The following FILIP1 variants were observed in gnomAD, a reference collection of about 807,000 sequenced individuals.
FILIP1 encodes filamin-A-interacting protein 1.
FILIP1 carries 61 observed loss-of-function variants against 102.1 expected under a neutral mutation model. The observed-to-expected ratio is 0.60, with a 90% CI of 0.49 to 0.74. The LOEUF is 0.74. FILIP1 is among the 30% of genes least tolerant of loss of function. The pLI is 0.00. For missense variants in FILIP1, 1,314 were observed against 1,441.2 expected (o/e 0.91, Z 1.43); for synonymous variants, 491 against 526.9 (o/e 0.93, Z 0.93).
intron 1 of FILIP1, among the ~76,000 whole-genome samples, chr6:75,442,669 A>G (rs1295039066): frequency 1.3e-5 from 2 of 151,910 alleles, no homozygotes; most frequent in Non-Finnish European, 2.9e-5. Context: ...CAGGAGAATC[A>G]GGCAGGGAGG....
At chr6:75,439,353 C>T (rs372328268) in intron 1 of FILIP1, among the ~76,000 whole-genome samples, 1 of 136,954 alleles carries the variant, frequency 7.3e-6, no homozygotes, top group African/African-American at 2.9e-5. Flanking sequence ...GCGACAAGAG[C>T]GAGACTCCGT....
intron 1 of FILIP1, among the ~76,000 whole-genome samples, chr6:75,491,779 T>C (rs1696920744): frequency 6.6e-6 from 1 of 152,144 alleles, no homozygotes; most frequent in African/African-American, 2.4e-5. Flanking sequence ...CAAGAATAAA[T>C]GTACAACAAT....
In FILIP1 at chr6:75,433,316, C is replaced by T. The variant is rs142118719; in HGVS notation, c.-6-18338G>A. ...CAACAGTGTAAAAGTGTTCCTATTT[C>T]TCCACATCCTTTCCAGCAACTGTTG... On this transcript the variant is annotated intron_variant, in intron 1 of 5. Transcript: ENST00000237172. Among the ~76,000 whole-genome samples the T allele has an allele frequency of 8.1e-3, 1,230 of 152,292 alleles. 19 individuals are homozygous for T. Among genetic ancestry groups the T allele is most frequent in the African/African-American group, 0.028 (1,152 of 41,558 alleles).
rs117987344 is a variant in FILIP1 at position 75,463,352 on chromosome 6, T to C, written c.-7+30062A>G. Among the ~76,000 whole-genome samples, 144 of 152,374 alleles carry C rather than the reference T, an allele frequency of 9.5e-4. 1 individual carries two copies. Among genetic ancestry groups the C allele is most frequent in the Non-Finnish European group, 1.2e-3 (81 of 68,044 alleles). The stretch of plus-strand genomic sequence containing the variant: ...CAAGCCATTGAATTATCTTGTTCTA[T>C]TATAACCTAATTGATTACCGTGTTT... On this transcript the variant is annotated intron_variant, in intron 1 of 5. Transcript: ENST00000237172.
At chr6:75,310,599 C>G (rs1208750330) in intron 5 of FILIP1, among the ~76,000 whole-genome samples, 1 of 152,142 alleles carries the variant, frequency 6.6e-6, no homozygotes, top group Admixed American at 6.5e-5. Context: ...AATCAGTAGT[C>G]AAAAATGTCA....
chr6:75,471,824 A>G (rs746225080), intron 1 of FILIP1, among the ~76,000 whole-genome samples: 1 of 152,184 alleles, frequency 6.6e-6, no homozygotes, highest in Non-Finnish European at 1.5e-5. Context: ...TATATCATTT[A>G]TGCTAAAATA....
chr6:75,487,941 A>T (rs1045653629), intron 1 of FILIP1, among the ~76,000 whole-genome samples: 1 of 152,154 alleles, frequency 6.6e-6, no homozygotes, highest in African/African-American at 2.4e-5. Context: ...AGGCAACAGC[A>T]TTTAGGCAAG....
In FILIP1 at chr6:75,312,434, G is replaced by GTT; in HGVS notation, c.3397_3398insAA (p.Pro1133GlnfsTer35). 6.2e-7 allele frequency: 1 copy of GTT among 1,614,070 alleles called. No individual in the cohort carries two copies. The highest frequency in any genetic ancestry group is 8.5e-7 in the Non-Finnish European group (1 of 1,180,010). On this transcript the variant is annotated frameshift_variant, in exon 5 of 6. Transcript: ENST00000237172. LOFTEE classifies it high-confidence loss of function. ...TCCTCGAGCAGATGACGTTGTGACCGGTGTTATGGTGATAGTGCTCGTCAC... is the reference window on the plus strand; with the variant it reads ...TCCTCGAGCAGATGACGTTGTGACCGTTGTGTTATGGTGATAGTGCTCGTCAC...
chr6:75,404,025 C>T (rs375006463), intron 2 of FILIP1, among the ~76,000 whole-genome samples: 1 of 152,050 alleles, frequency 6.6e-6, no homozygotes, highest in East Asian at 1.9e-4. Context: ...ATTTCTGGAC[C>T]TCATTAATTC....
chr6:75,449,388 G>A (rs535910055), intron 1 of FILIP1, among the ~76,000 whole-genome samples: 2 of 152,186 alleles, frequency 1.3e-5, no homozygotes, highest in South Asian at 2.1e-4. Flanking sequence ...TACACTGCTC[G>A]GGTGATGGGT....
At chr6:75,304,040 G>T (rs1007023819), downstream of FILIP1, among the ~76,000 whole-genome samples, 1 of 152,022 alleles carries the variant, frequency 6.6e-6, no homozygotes, top group African/African-American at 2.4e-5. Flanking sequence ...ACTGATAGGT[G>T]TTTGGCAAGT....
intron 6 of FILIP1, among the ~76,000 whole-genome samples, chr6:75,299,383 A>G (rs941083151): frequency 6.6e-6 from 1 of 152,206 alleles, no homozygotes; most frequent in Admixed American, 6.5e-5. Context: ...AGAGCACTTA[A>G]TAGGCAGATT....
chr6:75,294,430 T>G (rs992723460), exon 7 of FILIP1: 5 of 152,128 alleles, frequency 3.3e-5, no homozygotes, highest in Non-Finnish European at 7.4e-5. Context: ...CATGTCCATA[T>G]TAACAGTCTT....
chr6:75,355,062 A>G (rs1774945185), intron 3 of FILIP1, among the ~76,000 whole-genome samples: 1 of 152,148 alleles, frequency 6.6e-6, no homozygotes, highest in Admixed American at 6.5e-5. Flanking sequence ...TGAGAGGCGG[A>G]GGCGTGTGGA....
Position 75,314,271 on chromosome 6 carries a change from G to T in FILIP1, c.1561C>A (p.Gln521Lys). ...ERKNMMEKIK[Q>K]EERKVDGLNK... is the part of the protein sequence containing the mutation. The stretch of plus-strand genomic sequence containing the variant: ...AGTCCATCCACTTTTCTCTCTTCTT[G>T]TTTTATTTTTTCCATCATATTTTTC... Residue 521 changes from glutamine (Q) to lysine (K), a missense_variant, in exon 5 of 6, where the codon CAA becomes AAA. By Grantham distance (53) the Gln-to-Lys change is moderately conservative. This residue lies in a region of FILIP1 where 816 missense variants were observed against 913.1 expected (regional missense o/e 0.89). Transcript: ENST00000237172. 1 of 1,544,738 alleles carries T rather than the reference G, an allele frequency of 6.5e-7. No homozygotes were observed. The highest frequency in any genetic ancestry group is 8.6e-7 in the Non-Finnish European group (1 of 1,157,768).
intron 1 of FILIP1, among the ~76,000 whole-genome samples, chr6:75,493,051 T>C (rs1257000651): frequency 6.6e-6 from 1 of 152,228 alleles, no homozygotes; most frequent in Admixed American, 6.5e-5. Flanking sequence ...GTTATTTTAC[T>C]TCTAGGGGAG....
intron 1 of FILIP1, among the ~76,000 whole-genome samples, chr6:75,448,200 C>G (rs1778503079): frequency 6.6e-6 from 1 of 152,034 alleles, no homozygotes; most frequent in South Asian, 2.1e-4. Flanking sequence ...TTTGTCATAC[C>G]TTCCTCCTAG....
intron 1 of FILIP1, among the ~76,000 whole-genome samples, chr6:75,427,483 T>C (rs986613504): frequency 1.3e-5 from 2 of 152,290 alleles, no homozygotes; most frequent in Non-Finnish European, 2.9e-5. Flanking sequence ...AAGACTCATA[T>C]GGGGCCTGGA....
intron 1 of FILIP1, among the ~76,000 whole-genome samples, chr6:75,475,869 G>C (rs1779460210): frequency 6.6e-6 from 1 of 152,100 alleles, no homozygotes; most frequent in African/African-American, 2.4e-5. Flanking sequence ...TAATATGGTA[G>C]GAAGCACTCA....
Sources: allele counts gnomAD v4.1 joint callset (sites outside exome capture counted in the v4.1 genomes callset), GRCh38; gene constraint gnomAD v4.1.1; regional missense constraint gnomAD v4.1.1; transcripts MANE v1.5; gene names NCBI Gene and HGNC (gene_info 2026-07-23, HGNC 2026-07-21).